The following CDKL3 variants were observed in gnomAD, a reference collection of about 807,000 sequenced individuals.
CDKL3 encodes the protein cyclin-dependent kinase-like 3.
Under a neutral mutation model 69.3 loss-of-function variants are expected in CDKL3, and 65 were observed. That is an observed-to-expected ratio of 0.94 (90% confidence interval 0.77 to 1.15). The LOEUF is 1.15. CDKL3 is among the 50% of genes most tolerant of loss of function. The probability of loss-of-function intolerance (pLI) is 0.00; values close to 1 mark genes in which losing one functional copy is unlikely to be tolerated. For missense variants in CDKL3, 652 were observed against 689.2 expected, an observed-to-expected ratio of 0.95 and a Z score of 0.61; for synonymous variants, 202 against 221.6, an observed-to-expected ratio of 0.91 and a Z score of 0.79.
At chr5:134,325,825 G>A (rs919194454) in intron 4 of CDKL3, among the ~76,000 whole-genome samples, 3 of 151,460 alleles carry the variant, frequency 2.0e-5, no homozygotes, top group East Asian at 3.9e-4. Context: ...GTGCAGTGGC[G>A]CGATCTCGGC....
chr5:134,293,761 C>T (rs1765228310), downstream of CDKL3, among the ~76,000 whole-genome samples: 1 of 152,054 alleles, frequency 6.6e-6, no homozygotes. Flanking sequence ...GATTGTGCCA[C>T]TGCATTCCAG....
intron 5 of CDKL3, among the ~76,000 whole-genome samples, chr5:134,321,475 G>A (rs1328330872): frequency 6.6e-6 from 1 of 152,020 alleles, no homozygotes. Context: ...TTATATAAAG[G>A]TACAGATATT....
chr5:134,299,503 G>A, intron 12 of CDKL3: 1 of 1,200,606 alleles, frequency 8.3e-7, no homozygotes, highest in African/African-American at 1.6e-5. Flanking sequence ...TTCAAATTAA[G>A]AAAACATGAA....
intron 8 of CDKL3, among the ~76,000 whole-genome samples, chr5:134,292,268 T>C (rs1765153481): frequency 6.6e-6 from 1 of 152,090 alleles, no homozygotes. Context: ...TAATATAGAG[T>C]ATATTCTCTG....
In CDKL3 at chr5:134,302,628, T is replaced by G; in HGVS notation, c.1681A>C (p.Thr561Pro). The G allele has an allele frequency of 1.2e-6, 2 of 1,603,362 alleles. No homozygotes were observed. The highest frequency in any genetic ancestry group is 1.7e-6 in the Non-Finnish European group (2 of 1,174,408). The change falls in exon 12 of 13, where the codon ACT becomes CCT. Residue 561 changes from threonine (T) to proline (P), a missense_variant. Transcript: ENST00000265334. ...TGATTTTGATCCACGTTAAGTAAAG[T>G]TGGTATCTTAGATGACTCTGTTTTC... ...SKKTESSKIP[T>P]LLNVDQNQEK... is the part of the protein sequence containing the mutation.
intron 4 of CDKL3, among the ~76,000 whole-genome samples, chr5:134,331,029 C>T (rs935861229): frequency 6.6e-6 from 1 of 152,194 alleles, no homozygotes; most frequent in Non-Finnish European, 1.5e-5. Flanking sequence ...AAGTTCTGCT[C>T]TCGTCTGCAG....
Position 134,366,554 on chromosome 5 carries a change from A to C in CDKL3, c.-21-10T>G. ...AGCTGGGCTTTTACTACTTTATAGAAATAAAGAAAGAAAATGGAAAATGTT... is the reference window on the plus strand; with the variant it reads ...AGCTGGGCTTTTACTACTTTATAGACATAAAGAAAGAAAATGGAAAATGTT... On this transcript the variant is annotated splice_polypyrimidine_tract_variant and intron_variant, in intron 1 of 12. Coordinates refer to ENST00000265334, the MANE Select transcript of CDKL3 (RefSeq NM_001113575.2). 2.6e-6 allele frequency: 4 copies of C among 1,521,098 alleles called. No individual in the cohort carries two copies. Among genetic ancestry groups the C allele is most frequent in the Non-Finnish European group, 2.7e-6 (3 of 1,123,786 alleles). 94.2% of individuals were successfully genotyped at this position (1,521,098 alleles called of 1,614,324 possible).
At position 134,350,264 on chromosome 5, in the gene CDKL3, T is replaced by C. The variant is rs1752937108; in HGVS notation, c.524A>G (p.Asp175Gly). 6.4e-7 allele frequency: 1 copy of C among 1,569,988 alleles called. No individual in the cohort carries two copies. Among genetic ancestry groups the C allele is most frequent in the Non-Finnish European group, 8.6e-7 (1 of 1,159,426 alleles). ...ATACACATACTTTCCATAAGAAGTATCTTTTAATACTAATTCGGGAGCTCT... is the reference window on the plus strand; with the variant it reads ...ATACACATACTTTCCATAAGAAGTACCTTTTAATACTAATTCGGGAGCTCT... ...WYRAPELVLKDTSYGKPVDIW... is the reference protein window; with the variant it reads ...WYRAPELVLKGTSYGKPVDIW... Residue 175 changes from aspartate (D) to glycine (G), a missense_variant, in exon 4 of 13, where the codon GAT becomes GGT. Coordinates refer to ENST00000265334, the MANE Select transcript of CDKL3 (RefSeq NM_001113575.2).
At chr5:134,288,958 A>T (rs1365204630) in intron 8 of CDKL3, among the ~76,000 whole-genome samples, 2 of 150,618 alleles carry the variant, frequency 1.3e-5, no homozygotes, top group Admixed American at 6.6e-5. Context: ...TTTTTTTTTT[A>T]AAGAACCAGC....
chr5:134,319,734 G>T (rs112006379), intron 5 of CDKL3, among the ~76,000 whole-genome samples: 2 of 152,254 alleles, frequency 1.3e-5, no homozygotes, highest in South Asian at 4.1e-4. Context: ...AAACCACCAG[G>T]TTTATTTGCT....
downstream of CDKL3, among the ~76,000 whole-genome samples, chr5:134,284,232 T>C (rs145584058): frequency 2.9e-4 from 44 of 152,114 alleles, no homozygotes; most frequent in East Asian, 8.5e-3. Flanking sequence ...GTCTGAGAAA[T>C]AGAGAAAGAG....
chr5:134,302,567 A>G, intron 12 of CDKL3, 23 bp downstream of exon 12: 1 of 1,231,392 alleles, frequency 8.1e-7, no homozygotes, highest in Admixed American at 1.9e-5. Flanking sequence ...GCCTTAGTAA[A>G]AGCTATATAC....
intron 4 of CDKL3, among the ~76,000 whole-genome samples, chr5:134,329,701 C>A (rs912184565): frequency 6.6e-6 from 1 of 151,958 alleles, no homozygotes; most frequent in Non-Finnish European, 1.5e-5. Context: ...CATCTCCTGA[C>A]CTCGTGATCC....
intron 10 of CDKL3, among the ~76,000 whole-genome samples, chr5:134,304,965 G>C (rs552082076): frequency 6.6e-6 from 1 of 151,344 alleles, no homozygotes; most frequent in Non-Finnish European, 1.5e-5. Context: ...ATACCACCAT[G>C]CCTGGTTAAT....
At chr5:134,332,082 G>C (rs918304213) in intron 4 of CDKL3, among the ~76,000 whole-genome samples, 1 of 152,186 alleles carries the variant, frequency 6.6e-6, no homozygotes, top group African/African-American at 2.4e-5. Context: ...TCTGTTGGCT[G>C]CATAAATGTA....
intron 3 of CDKL3, among the ~76,000 whole-genome samples, 158 bp from the exon 4 acceptor site, chr5:134,350,585 T>C (rs956750059): frequency 1.3e-5 from 2 of 151,978 alleles, no homozygotes; most frequent in Admixed American, 1.3e-4. Flanking sequence ...TAGTTATATG[T>C]TTTCAATTCT....
intron 8 of CDKL3, among the ~76,000 whole-genome samples, chr5:134,290,156 C>A (rs1765060482): frequency 6.6e-6 from 1 of 151,946 alleles, no homozygotes; most frequent in African/African-American, 2.4e-5. Flanking sequence ...GAAATCAAGA[C>A]CCTCCTGGCC....
intron 10 of CDKL3, 111 bp downstream of exon 10, chr5:134,306,496 CAA>C (rs1480347630): frequency 3.0e-6 from 2 of 677,178 alleles, no homozygotes; most frequent in East Asian, 6.1e-5. Context: ...GATCCTCTCT[CAA>C]AAAAACAAAA....
intron 4 of CDKL3, among the ~76,000 whole-genome samples, chr5:134,336,469 C>T (rs746653290): frequency 7.9e-5 from 12 of 152,162 alleles, no homozygotes; most frequent in Non-Finnish European, 1.5e-4. Context: ...GTTTTATCTA[C>T]CTTTGGTCTT....
Sources: gnomAD v4.1 joint callset for allele counts (sites outside exome capture counted in the v4.1 genomes callset) on GRCh38, gnomAD v4.1.1 for gene constraint, MANE v1.5 for transcripts, NCBI Gene and HGNC (gene_info 2026-07-23, HGNC 2026-07-21) for gene names.